Variants in SCAPER observed in about 807,000 individuals in gnomAD.
SCAPER encodes S phase cyclin A-associated protein in the endoplasmic reticulum.
In SCAPER, 98 loss-of-function variants were observed where a neutral mutation model predicts 182.2. That is an observed-to-expected ratio of 0.54 (90% CI 0.46 to 0.64). The LOEUF (loss-of-function observed/expected upper bound fraction) is 0.64, where lower values mean the gene tolerates loss of function less well. Ranked by LOEUF, SCAPER falls within the 30% of genes least tolerant of loss-of-function variation. SCAPER has a pLI of 0.00. For synonymous variants in SCAPER, 605 were observed against 564.6 expected, an observed-to-expected ratio of 1.07 and a Z score of -1.01; for missense variants, 1,432 against 1,690.0, an observed-to-expected ratio of 0.85 and a Z score of 2.68.
intron 24 of SCAPER, among the ~76,000 whole-genome samples, chr15:76,488,777 G>A (rs1039517035): frequency 1.5e-5 from 2 of 131,286 alleles, no homozygotes; most frequent in Non-Finnish European, 3.1e-5. Context: ...CCAGGCTGGA[G>A]TGAAGTGGTG....
At chr15:76,657,588 CAAAAAAA>C (rs35243291) in intron 21 of SCAPER, among the ~76,000 whole-genome samples, 1 of 129,860 alleles carries the variant, frequency 7.7e-6, no homozygotes, top group Admixed American at 7.7e-5. Flanking sequence ...GACACAACAA[CAAAAAAA>C]AAAAAAAAGA....
intron 24 of SCAPER, among the ~76,000 whole-genome samples, chr15:76,496,369 T>G (rs1444363130): frequency 6.6e-6 from 1 of 152,164 alleles, no homozygotes; most frequent in African/African-American, 2.4e-5. Flanking sequence ...CATTATAAAG[T>G]TAATGATGAG....
chr15:76,796,268 C>T (rs918720117), intron 7 of SCAPER, among the ~76,000 whole-genome samples: 11 of 152,042 alleles, frequency 7.2e-5, no homozygotes, highest in Non-Finnish European at 1.5e-4. Flanking sequence ...TCTCCTTAAC[C>T]TTAATAATAT....
chr15:76,697,739 A>C (rs1393400811), intron 20 of SCAPER, among the ~76,000 whole-genome samples: 2 of 152,220 alleles, frequency 1.3e-5, no homozygotes, highest in East Asian at 3.9e-4. Flanking sequence ...TTCTGTGTTC[A>C]AGCAATTCTC....
intron 7 of SCAPER, among the ~76,000 whole-genome samples, chr15:76,796,422 T>A (rs960361134): frequency 1.4e-4 from 22 of 152,204 alleles, no homozygotes; most frequent in Non-Finnish European, 3.1e-4. Context: ...ATGGTCTACT[T>A]AATATTTAAA....
chr15:76,711,225 C>A (rs280001), intron 17 of SCAPER, among the ~76,000 whole-genome samples: 20,382 of 152,106 alleles, frequency 0.13, 1,408 homozygotes, highest in African/African-American at 0.17. Flanking sequence ...TAAAAACTCA[C>A]ATTCTTCAAA....
chr15:76,891,916 G>T (rs2074188541), intron 1 of SCAPER, among the ~76,000 whole-genome samples: 2 of 152,116 alleles, frequency 1.3e-5, no homozygotes. Context: ...CATACTACCT[G>T]ACTTCAAACT....
chr15:76,870,278 T>C (rs2072616974), intron 2 of SCAPER, among the ~76,000 whole-genome samples: 1 of 152,130 alleles, frequency 6.6e-6, no homozygotes, highest in African/African-American at 2.4e-5. Flanking sequence ...AAAAGACATA[T>C]TTAGGTTGAT....
intron 5 of SCAPER, 144 bp downstream of exon 5, chr15:76,841,590 T>C (rs2069485035): frequency 2.6e-6 from 2 of 775,746 alleles, no homozygotes; most frequent in Non-Finnish European, 4.0e-6. Context: ...GAGGTTGTAA[T>C]GAGCCAAGAT....
rs59741618 is a variant in SCAPER, at chr15:76,366,086, T to TACACACAC, written c.3855+10068_3855+10075dup. Reference sequence around the variant, plus strand: ...AAAGAGAACTGATTACTTACACACTTACACACACACACACACACACACACA... The same window carrying TACACACAC: ...AAAGAGAACTGATTACTTACACACTTACACACACACACACACACACACACACACACACA... On this transcript the variant is annotated intron_variant, in intron 29 of 31. Transcript: ENST00000563290. 3.5e-3 allele frequency among the ~76,000 whole-genome samples: 521 copies of TACACACAC among 149,532 alleles called. 2 individuals carry two copies. The highest frequency in any genetic ancestry group is 0.011 in the African/African-American group (462 of 40,310).
At chr15:76,430,085 A>G (rs2046762901) in intron 26 of SCAPER, among the ~76,000 whole-genome samples, 2 of 152,348 alleles carry the variant, frequency 1.3e-5, no homozygotes, top group East Asian at 1.9e-4. Context: ...AAGCCTTGGC[A>G]GCTTCCATGT....
intron 29 of SCAPER, among the ~76,000 whole-genome samples, chr15:76,371,014 C>G (rs1344687888): frequency 6.6e-6 from 1 of 152,192 alleles, no homozygotes; most frequent in Non-Finnish European, 1.5e-5. Flanking sequence ...GCAGATGGTA[C>G]CTGTTACATG....
At chr15:76,620,787 A>AG (rs2051964619) in intron 22 of SCAPER, among the ~76,000 whole-genome samples, 1 of 152,228 alleles carries the variant, frequency 6.6e-6, no homozygotes, top group South Asian at 2.1e-4. Flanking sequence ...CTCACTTATA[A>AG]GGGGGAGTTG....
chr15:76,786,239 A>G (rs1390914038), intron 8 of SCAPER, among the ~76,000 whole-genome samples: 2 of 151,002 alleles, frequency 1.3e-5, no homozygotes, highest in African/African-American at 4.9e-5. Flanking sequence ...AGGCAGGAGA[A>G]TCACTTGAAC....
At chr15:76,546,538 C>T (rs960094490) in intron 23 of SCAPER, among the ~76,000 whole-genome samples, 1 of 151,790 alleles carries the variant, frequency 6.6e-6, no homozygotes, top group African/African-American at 2.4e-5. Flanking sequence ...GGATTAATAC[C>T]CCTGCCCCCA....
intron 24 of SCAPER, 107 bp downstream of exon 24, chr15:76,504,752 A>C: frequency 1.1e-6 from 1 of 871,032 alleles, no homozygotes; most frequent in Non-Finnish European, 1.7e-6. Context: ...TTTGGTATTC[A>C]ACCCTGAATA....
chr15:76,761,546 T>C (rs1357127519), intron 14 of SCAPER, among the ~76,000 whole-genome samples: 1 of 152,210 alleles, frequency 6.6e-6, no homozygotes, highest in Non-Finnish European at 1.5e-5. Flanking sequence ...TATTTCCTTT[T>C]ACCAAATAGT....
intron 15 of SCAPER, among the ~76,000 whole-genome samples, chr15:76,741,415 C>A (rs2061531284): frequency 1.3e-5 from 2 of 151,988 alleles, no homozygotes; most frequent in African/African-American, 4.8e-5. Flanking sequence ...TATACTTAGG[C>A]TTGAAGACCA....
intron 18 of SCAPER, among the ~76,000 whole-genome samples, chr15:76,705,012 G>T (rs1434043485): frequency 1.3e-5 from 2 of 152,110 alleles, no homozygotes; most frequent in African/African-American, 4.8e-5. Context: ...TCTAGAACTA[G>T]AAATACCATT....
Sources: allele counts gnomAD v4.1 joint callset (sites outside exome capture counted in the v4.1 genomes callset), GRCh38; gene constraint gnomAD v4.1.1; transcripts MANE v1.5; gene names NCBI Gene and HGNC (gene_info 2026-07-23, HGNC 2026-07-21).